The following ABCD2 variants were observed in gnomAD, a reference collection of about 807,000 sequenced individuals.
ABCD2 encodes the protein ATP-binding cassette sub-family D member 2.
ABCD2 carries 36 observed loss-of-function variants against 70.9 expected under a neutral mutation model. The observed-to-expected ratio is 0.51, with a 90% confidence interval of 0.39 to 0.67. ABCD2 has a LOEUF of 0.67. Among genes scored for constraint, ABCD2 ranks in the 30% least tolerant of loss-of-function variants. The pLI is 0.00. For missense variants in ABCD2, 729 were observed against 890.2 expected (o/e 0.82, Z 2.30); for synonymous variants, 304 against 306.9 (o/e 0.99, Z 0.10).
chr12:39,537,372 G>A, the ABCD2 span, among the ~76,000 whole-genome samples: 235 of 152,194 alleles, frequency 1.5e-3, no homozygotes, highest in African/African-American at 5.6e-3. Context: ...GACCCATAAT[G>A]CCAGCTGCCT....
At chr12:39,588,719 G>A (rs541225573) in intron 6 of ABCD2, among the ~76,000 whole-genome samples, 1 of 151,658 alleles carries the variant, frequency 6.6e-6, no homozygotes, top group East Asian at 1.9e-4. Flanking sequence ...ATCACATCAC[G>A]GAGAAACTAT....
At chr12:39,531,322 T>C in the ABCD2 span, among the ~76,000 whole-genome samples, 12 of 152,276 alleles carry the variant, frequency 7.9e-5, no homozygotes, top group African/African-American at 2.9e-4. Flanking sequence ...CAAGTGATGG[T>C]ATTAAAAGAT....
chr12:39,567,029 A>C (rs542542913), intron 9 of ABCD2, among the ~76,000 whole-genome samples: 15 of 152,094 alleles, frequency 9.9e-5, no homozygotes, highest in African/African-American at 2.6e-4. Flanking sequence ...TTTACGTTTG[A>C]TGAGGAGTGC....
At chr12:39,618,235 C>T (rs184678682) in intron 1 of ABCD2, among the ~76,000 whole-genome samples, 26 of 152,210 alleles carry the variant, frequency 1.7e-4, no homozygotes, top group Non-Finnish European at 2.5e-4. Context: ...CTCTTCCCCC[C>T]TCTTGGACAA....
At chr12:39,584,902 G>GTTA (rs1941645167) in intron 7 of ABCD2, among the ~76,000 whole-genome samples, 1 of 152,168 alleles carries the variant, frequency 6.6e-6, no homozygotes, top group Admixed American at 6.5e-5. Context: ...ACAGCACTAT[G>GTTA]CTGTTTTGGT....
intron 8 of ABCD2, among the ~76,000 whole-genome samples, chr12:39,577,695 TTTAA>T (rs1220011090): frequency 3.3e-5 from 5 of 152,134 alleles, no homozygotes; most frequent in African/African-American, 1.2e-4. Context: ...TTATTACTAA[TTTAA>T]TTATTATTGT....
At chr12:39,556,399 C>A (rs1941166079) in intron 9 of ABCD2, among the ~76,000 whole-genome samples, 1 of 152,034 alleles carries the variant, frequency 6.6e-6, no homozygotes, top group South Asian at 2.1e-4. Context: ...GTGGTTTTCC[C>A]CATGCTGTTC....
At chr12:39,569,484 A>T (rs1376545853) in intron 9 of ABCD2, among the ~76,000 whole-genome samples, 1 of 152,196 alleles carries the variant, frequency 6.6e-6, no homozygotes, top group Non-Finnish European at 1.5e-5. Flanking sequence ...AAAGCGCAGT[A>T]TTAGGGTGGG....
chr12:39,572,439 G>C (rs1166580062), intron 9 of ABCD2, among the ~76,000 whole-genome samples: 1 of 152,078 alleles, frequency 6.6e-6, no homozygotes, highest in Non-Finnish European at 1.5e-5. Flanking sequence ...GTCAGAGGAA[G>C]CATATTCATT....
At chr12:39,583,466 A>ATGAATTAT (rs1185831086) in intron 7 of ABCD2, among the ~76,000 whole-genome samples, 11 of 152,352 alleles carry the variant, frequency 7.2e-5, no homozygotes, top group African/African-American at 2.2e-4. Context: ...ATCAAATTAT[A>ATGAATTAT]TGAATTATTG....
intron 9 of ABCD2, among the ~76,000 whole-genome samples, chr12:39,566,350 A>G (rs1941347242): frequency 6.6e-6 from 1 of 152,102 alleles, no homozygotes; most frequent in South Asian, 2.1e-4. Context: ...TTCCTGGTTT[A>G]GTCTTGGGAG....
At chr12:39,572,492 A>G (rs1217062696) in intron 9 of ABCD2, among the ~76,000 whole-genome samples, 3 of 152,186 alleles carry the variant, frequency 2.0e-5, no homozygotes, top group African/African-American at 7.2e-5. Flanking sequence ...CAGAAAGTAT[A>G]TTTTTTAAAA....
At position 39,586,138 on chromosome 12, in the gene ABCD2, A is replaced by G; in HGVS notation, c.1792+14T>C. ...GTGAAGTTAAATGCATTAGAAAAGAATGATAGACTTTACCTCCTTCTCTTT... is the reference window on the plus strand; with the variant it reads ...GTGAAGTTAAATGCATTAGAAAAGAGTGATAGACTTTACCTCCTTCTCTTT... On this transcript the variant is annotated intron_variant, in intron 7 of 9. Transcript: ENST00000308666. 6.3e-7 allele frequency: 1 copy of G among 1,599,090 alleles called. No individual in the cohort carries two copies.
downstream of ABCD2, among the ~76,000 whole-genome samples, chr12:39,546,429 G>T (rs1941026137): frequency 6.6e-6 from 1 of 152,072 alleles, no homozygotes; most frequent in Non-Finnish European, 1.5e-5. Context: ...AGACAAGCAA[G>T]ATTCCTACCC....
chr12:39,581,517 A>T (rs547609960), intron 7 of ABCD2, among the ~76,000 whole-genome samples: 2 of 152,278 alleles, frequency 1.3e-5, no homozygotes, highest in South Asian at 4.1e-4. Flanking sequence ...ATACCATCTG[A>T]TTTAGAGTTC....
the ABCD2 span, among the ~76,000 whole-genome samples, chr12:39,535,755 C>A: frequency 6.6e-6 from 1 of 152,084 alleles, no homozygotes. Flanking sequence ...TTTATACTTA[C>A]CTGGAAACTA....
chr12:39,533,298 T>A, the ABCD2 span, among the ~76,000 whole-genome samples: 1 of 152,240 alleles, frequency 6.6e-6, no homozygotes, highest in Non-Finnish European at 1.5e-5. Context: ...TTGACTTTTT[T>A]AAAACCTGTT....
intron 6 of ABCD2, among the ~76,000 whole-genome samples, chr12:39,590,044 T>C (rs561581109): frequency 6.6e-6 from 1 of 152,314 alleles, no homozygotes; most frequent in East Asian, 1.9e-4. Flanking sequence ...TTTACTCAAT[T>C]TGAAAGCACA....
intron 8 of ABCD2, among the ~76,000 whole-genome samples, chr12:39,574,629 A>G (rs1374708165): frequency 6.6e-6 from 1 of 151,984 alleles, no homozygotes; most frequent in African/African-American, 2.4e-5. Context: ...GGTACTTAGC[A>G]TGACTTAGCT....
Sources: allele counts gnomAD v4.1 joint callset (sites outside exome capture counted in the v4.1 genomes callset), GRCh38; gene constraint gnomAD v4.1.1; transcripts MANE v1.5; gene names NCBI Gene and HGNC (gene_info 2026-07-23, HGNC 2026-07-21).